Variants in DHRSX observed in about 807,000 individuals in gnomAD.
DHRSX encodes the protein dehydrogenase/reductase X-linked, also known as polyprenol dehydrogenase.
In DHRSX, 31 loss-of-function variants were observed where a neutral mutation model predicts 34.0. The observed-to-expected ratio is 0.91, with a 90% CI of 0.69 to 1.23. DHRSX has a LOEUF of 1.23. Ranked by LOEUF, DHRSX falls within the 50% of genes most tolerant of loss-of-function variation. The pLI is 0.00. For synonymous variants in DHRSX, 201 were observed against 183.8 expected (o/e 1.09, Z -0.76); for missense variants, 414 against 428.1 (o/e 0.97, Z 0.29).
At chrX:2,349,416 C>T (rs1362826939) in intron 3 of DHRSX, among the ~76,000 whole-genome samples, 2 of 152,014 alleles carry the variant, frequency 1.3e-5, no homozygotes, top group East Asian at 1.9e-4. Flanking sequence ...GGGCCAGGCG[C>T]GGTGCCTGGA....
At chrX:2,308,926 A>G (rs1399265487) in intron 3 of DHRSX, among the ~76,000 whole-genome samples, 1 of 152,030 alleles carries the variant, frequency 6.6e-6, no homozygotes, top group Admixed American at 6.6e-5. Context: ...CCCAGAAAAT[A>G]CTGTCAATAA....
chrX:2,260,130 C>T (rs2041343282), intron 5 of DHRSX, among the ~76,000 whole-genome samples: 1 of 146,030 alleles, frequency 6.8e-6, no homozygotes, highest in Non-Finnish European at 1.5e-5. Context: ...TCCATCTCCA[C>T]GTGGCCTTCT....
intron 5 of DHRSX, among the ~76,000 whole-genome samples, chrX:2,244,146 C>A (rs1159011812): frequency 1.3e-5 from 2 of 152,118 alleles, no homozygotes; most frequent in Admixed American, 1.3e-4. Context: ...CCCAAGCTAT[C>A]ATAAATTTTC....
At chrX:2,231,004 C>G (rs1038936101) in intron 6 of DHRSX, among the ~76,000 whole-genome samples, 1 of 152,164 alleles carries the variant, frequency 6.6e-6, no homozygotes, top group African/African-American at 2.4e-5. Context: ...CAGGAATGAT[C>G]TTGGCTCATC....
intron 1 of DHRSX, among the ~76,000 whole-genome samples, chrX:2,474,313 A>G (rs1341961766): frequency 6.6e-6 from 1 of 151,370 alleles, no homozygotes; most frequent in Non-Finnish European, 1.5e-5. Flanking sequence ...TAAGCATGTG[A>G]TTAAGGGACT....
chrX:2,276,877 G>GA (rs1265723366), intron 4 of DHRSX, among the ~76,000 whole-genome samples: 6 of 13,598 alleles, frequency 4.4e-4, no homozygotes, highest in East Asian at 3.3e-3. Flanking sequence ...AGAGAAGGAG[G>GA]GGAGGAAATA....
chrX:2,266,609 G>A (rs1389321441), intron 5 of DHRSX, 131 bp downstream of exon 5: 20 of 904,246 alleles, frequency 2.2e-5, no homozygotes, highest in Admixed American at 9.7e-5. Flanking sequence ...CTCGGCAGAC[G>A]CAGGGAGCAC....
intron 1 of DHRSX, among the ~76,000 whole-genome samples, chrX:2,499,544 G>C (rs1281148377): frequency 1.3e-5 from 2 of 152,174 alleles, no homozygotes; most frequent in African/African-American, 2.4e-5. Flanking sequence ...GCCCAGACTG[G>C]AGGATTGCTG....
At chrX:2,433,190 A>T (rs1447038578) in intron 1 of DHRSX, among the ~76,000 whole-genome samples, 1 of 152,210 alleles carries the variant, frequency 6.6e-6, no homozygotes, top group Admixed American at 6.5e-5. Flanking sequence ...GAGCTGGAAG[A>T]AAATTTGCAA....
At chrX:2,304,243 A>ATGG (rs2042070409) in intron 3 of DHRSX, among the ~76,000 whole-genome samples, 1 of 32,976 alleles carries the variant, frequency 3.0e-5, no homozygotes, top group African/African-American at 1.3e-4. Context: ...ATGGATGGAT[A>ATGG]AATGGATGGA....
chrX:2,283,201 T>TA (rs1354261525), intron 4 of DHRSX, among the ~76,000 whole-genome samples: 1 of 151,906 alleles, frequency 6.6e-6, no homozygotes, highest in Non-Finnish European at 1.5e-5. Flanking sequence ...CCTGAACATC[T>TA]AGCCTTCTCT....
chrX:2,291,045 A>G (rs2041859153), intron 4 of DHRSX, among the ~76,000 whole-genome samples: 3 of 152,178 alleles, frequency 2.0e-5, no homozygotes, highest in African/African-American at 7.2e-5. Flanking sequence ...AGATTGGCAG[A>G]TGGGCAGATT....
chrX:2,406,666 C>A (rs1253332740), intron 3 of DHRSX, among the ~76,000 whole-genome samples: 4 of 152,072 alleles, frequency 2.6e-5, no homozygotes, highest in African/African-American at 9.7e-5. Context: ...GTCTCGAACT[C>A]CTGACCTCAG....
intron 5 of DHRSX, among the ~76,000 whole-genome samples, chrX:2,245,087 CG>C (rs2016246220): frequency 6.6e-6 from 1 of 152,030 alleles, no homozygotes; most frequent in Non-Finnish European, 1.5e-5. Flanking sequence ...ACCCCAAAAG[CG>C]GGAAGCTCAA....
chrX:2,318,616 G>A (rs1426751332), intron 3 of DHRSX, among the ~76,000 whole-genome samples: 1 of 143,718 alleles, frequency 7.0e-6, no homozygotes, highest in East Asian at 2.0e-4. Flanking sequence ...TCATGGCAAT[G>A]TCAGGAAGTT....
chrX:2,247,691 A>G (rs186421691), intron 5 of DHRSX, among the ~76,000 whole-genome samples: 36 of 151,570 alleles, frequency 2.4e-4, no homozygotes, highest in Admixed American at 2.2e-3. Context: ...GATACCCTCT[A>G]TATTCATGTA....
At chrX:2,295,808 C>T (rs2041924800) in intron 3 of DHRSX, among the ~76,000 whole-genome samples, 1 of 152,146 alleles carries the variant, frequency 6.6e-6, no homozygotes, top group Non-Finnish European at 1.5e-5. Flanking sequence ...CTTGTATTGA[C>T]GGCTTGTATT....
At chrX:2,389,447 C>G (rs1176547674) in intron 3 of DHRSX, among the ~76,000 whole-genome samples, 2 of 152,274 alleles carry the variant, frequency 1.3e-5, no homozygotes, top group African/African-American at 2.4e-5. Flanking sequence ...GGTTTCGTGT[C>G]CACCTCTGTT....
intron 5 of DHRSX, among the ~76,000 whole-genome samples, chrX:2,260,850 C>G (rs1365057529): frequency 6.6e-6 from 1 of 152,172 alleles, no homozygotes; most frequent in African/African-American, 2.4e-5. Flanking sequence ...CTGCAAAGAC[C>G]TATTTCTAAA....
Sources: allele counts gnomAD v4.1 joint callset (sites outside exome capture counted in the v4.1 genomes callset), GRCh38; gene constraint gnomAD v4.1.1; transcripts MANE v1.5; gene names NCBI Gene and HGNC (gene_info 2026-07-23, HGNC 2026-07-21).